Variants in ERMP1 observed in about 807,000 individuals in gnomAD.
ERMP1 encodes the protein endoplasmic reticulum metallopeptidase 1.
ERMP1 carries 86 observed loss-of-function variants against 92.0 expected under a neutral mutation model. The ratio of observed to expected loss-of-function variants is 0.93; its 90% CI spans 0.79 to 1.12. The LOEUF is 1.12. ERMP1 is among the 50% of genes most tolerant of loss of function. ERMP1 has a pLI of 0.00. For synonymous variants in ERMP1, 530 were observed against 412.8 expected (o/e 1.28, Z -3.44); for missense variants, 1,342 against 1,116.3 (o/e 1.20, Z -2.88).
upstream of ERMP1, among the ~76,000 whole-genome samples, chr9:5,834,795 C>G (rs1012866229): frequency 9.2e-5 from 13 of 141,062 alleles, no homozygotes; most frequent in South Asian, 2.3e-4. Context: ...GCCTGGCTGC[C>G]TGGCTGTTGG....
intron 13 of ERMP1, among the ~76,000 whole-genome samples, chr9:5,795,027 G>C (rs1162025911): frequency 1.3e-5 from 2 of 152,120 alleles, no homozygotes; most frequent in East Asian, 3.8e-4. Flanking sequence ...AATCAACGAT[G>C]CATAAAAGGT....
chr9:5,788,579 T>G (rs943493505), intron 13 of ERMP1, among the ~76,000 whole-genome samples: 1 of 151,512 alleles, frequency 6.6e-6, no homozygotes, highest in Non-Finnish European at 1.5e-5. Context: ...TGGACTTTCT[T>G]ACACTGACAG....
rs950817050 is a variant in ERMP1, at chr9:5,787,559, G to A, written c.2421C>T (p.His807=). The change falls in exon 14 of 15, where the codon CAC becomes CAT. Residue 807 remains histidine, a synonymous_variant. Coordinates refer to ENST00000339450, the MANE Select transcript of ERMP1 (RefSeq NM_024896.3). ...PSHMSFYVRA[H]KGSTLSQWSL... is the part of the protein sequence containing the mutation. ...ACCACTGAGAAAGTGTTGACCCTTTGTGGGCTCGAACATAGAAGGACATAT... is the reference window on the plus strand; with the variant it reads ...ACCACTGAGAAAGTGTTGACCCTTTATGGGCTCGAACATAGAAGGACATAT... 3 of 1,613,990 alleles carry A rather than the reference G, an allele frequency of 1.9e-6. No individual in the cohort carries two copies. The highest frequency in any genetic ancestry group is 1.7e-5 in the Admixed American group (1 of 59,982).
intron 11 of ERMP1, among the ~76,000 whole-genome samples, chr9:5,799,563 G>T (rs557002417): frequency 7.2e-5 from 11 of 152,150 alleles, no homozygotes; most frequent in African/African-American, 2.2e-4. Context: ...GCAGGAGCCG[G>T]CAAACTGCAG....
At chr9:5,850,888 G>A (rs2129756424) in intron 6 of ERMP1, among the ~76,000 whole-genome samples, 1 of 152,252 alleles carries the variant, frequency 6.6e-6, no homozygotes. Flanking sequence ...GGTAGGGCAG[G>A]ACTCTGAAGA....
upstream of ERMP1, among the ~76,000 whole-genome samples, chr9:5,837,550 A>G (rs1355704921): frequency 6.6e-6 from 1 of 152,220 alleles, no homozygotes; most frequent in African/African-American, 2.4e-5. Context: ...CTATACATCA[A>G]AAACAGTCAC....
At chr9:5,801,616 G>A (rs1444147787) in intron 10 of ERMP1, among the ~76,000 whole-genome samples, 2 of 152,160 alleles carry the variant, frequency 1.3e-5, no homozygotes, top group African/African-American at 2.4e-5. Flanking sequence ...CAGGACTGTC[G>A]CTGTCCTTAA....
chr9:5,819,963 T>C (rs551326100), intron 4 of ERMP1, among the ~76,000 whole-genome samples: 42 of 152,262 alleles, frequency 2.8e-4, no homozygotes, highest in African/African-American at 9.6e-4. Context: ...AAGAATTATA[T>C]ATCTCAATAA....
In ERMP1 at chr9:5,833,055, C is replaced by A; in HGVS notation, c.-28G>T. 3 of 1,428,928 alleles carry A rather than the reference C, an allele frequency of 2.1e-6. No individual in the cohort carries two copies. Among genetic ancestry groups the A allele is most frequent in the Non-Finnish European group, 2.7e-6 (3 of 1,101,532 alleles). The allele number at this position is 1,428,928 out of a possible 1,614,324, so 88.5% of individuals were successfully genotyped here. ...CCACGAGCCTCAGCTGCCAGCCCAA[C>A]CGCCCCAACCCGCGACAGCCCCGGC... On this transcript the variant is annotated 5_prime_UTR_variant, in exon 1 of 15. Transcript: ENST00000339450.
rs1275228842 is a variant in ERMP1 at position 5,832,885 on chromosome 9, C to G, written c.143G>C (p.Arg48Thr). 6.5e-7 allele frequency: 1 copy of G among 1,536,956 alleles called. No homozygotes were observed. The highest frequency in any genetic ancestry group is 1.2e-5 in the South Asian group (1 of 83,506). Residue 48 changes from arginine (R) to threonine (T), a missense_variant, in exon 1 of 15, where the codon AGG becomes ACG. Physicochemically the swap from Arg to Thr is moderately conservative, Grantham distance 71. Transcript: ENST00000339450. ...ACCCCCGGGGCTCCTCTTCCGCGTC[C>G]TCCCGCCGCCGCTGCACCCATCCAC... ...PLVDGCSGGG[R>T]TRKRSPGGSG... is the part of the protein sequence containing the mutation.
intron 12 of ERMP1, 78 bp downstream of exon 12, chr9:5,798,728 G>T: frequency 1.1e-6 from 1 of 878,060 alleles, no homozygotes; most frequent in Non-Finnish European, 1.8e-6. Context: ...AAGGATGGCA[G>T]TTTAAATGAT....
Position 5,812,234 on chromosome 9 carries a change from G to GAAA in ERMP1, c.1022-20_1022-18dup. On this transcript the variant is annotated splice_polypyrimidine_tract_variant and intron_variant, in intron 5 of 14. Coordinates refer to ENST00000339450, the MANE Select transcript of ERMP1 (RefSeq NM_024896.3). Reference sequence around the variant, plus strand: ...AGTCTATTCCTAAAACATATATATAGAAAAAAAAAAGTCATTTTGCTTTAA... The same window carrying GAAA: ...AGTCTATTCCTAAAACATATATATAGAAAAAAAAAAAAAGTCATTTTGCTTTAA... 1 of 1,327,230 alleles carries GAAA rather than the reference G, an allele frequency of 7.5e-7. No individual in the cohort carries two copies. Among genetic ancestry groups the GAAA allele is most frequent in the South Asian group, 1.4e-5 (1 of 70,482 alleles). The allele number at this position is 1,327,230 out of a possible 1,614,324, so 82.2% of individuals were successfully genotyped here.
intron 6 of ERMP1, among the ~76,000 whole-genome samples, chr9:5,858,730 A>G (rs934302051): frequency 6.6e-6 from 1 of 152,180 alleles, no homozygotes; most frequent in Non-Finnish European, 1.5e-5. Flanking sequence ...CTTTTCCTTC[A>G]TGGTGGTTCT....
intron 7 of ERMP1, 47 bp from the exon 8 acceptor site, chr9:5,810,278 C>G: frequency 7.1e-7 from 1 of 1,411,102 alleles, no homozygotes; most frequent in South Asian, 1.2e-5. Flanking sequence ...TTCATCAAAT[C>G]AGTTATATAA....
intron 13 of ERMP1, among the ~76,000 whole-genome samples, chr9:5,790,972 T>G (rs1163243130): frequency 6.6e-6 from 1 of 152,222 alleles, no homozygotes; most frequent in Non-Finnish European, 1.5e-5. Flanking sequence ...CATTTCATTG[T>G]ATGTAAATTA....
At chr9:5,799,957 C>T (rs2131216733) in intron 11 of ERMP1, among the ~76,000 whole-genome samples, 1 of 152,316 alleles carries the variant, frequency 6.6e-6, no homozygotes, top group Non-Finnish European at 1.5e-5. Context: ...CAGTGTCCTT[C>T]AGGACTATAA....
chr9:5,862,097 A>G (rs1830517156), intron 5 of ERMP1, among the ~76,000 whole-genome samples: 1 of 152,074 alleles, frequency 6.6e-6, no homozygotes, highest in South Asian at 2.1e-4. Flanking sequence ...TGACACAATC[A>G]TGGCTCACTG....
chr9:5,857,665 C>A (rs2129772440), intron 6 of ERMP1, among the ~76,000 whole-genome samples: 1 of 152,232 alleles, frequency 6.6e-6, no homozygotes, highest in East Asian at 1.9e-4. Flanking sequence ...TCCTGAGTAC[C>A]AAACAGGGTA....
chr9:5,811,106 C>T lies in ERMP1; in HGVS notation c.1327+5G>A, dbSNP rs1458574296. Reference sequence around the variant, plus strand: ...GTATTTGTAGTTTTAGAGGAAAATACTTACTCTTATGTTTGGGCTGCAAAA... The same window carrying T: ...GTATTTGTAGTTTTAGAGGAAAATATTTACTCTTATGTTTGGGCTGCAAAA... On this transcript the variant is annotated splice_donor_5th_base_variant and intron_variant, in intron 7 of 14. Coordinates refer to ENST00000339450, the MANE Select transcript of ERMP1 (RefSeq NM_024896.3). The T allele has an allele frequency of 1.6e-5, 25 of 1,596,810 alleles. No homozygotes were observed. Among genetic ancestry groups the T allele is most frequent in the Non-Finnish European group, 1.7e-5 (20 of 1,164,580 alleles).
Sources: gnomAD v4.1 joint callset for allele counts (sites outside exome capture counted in the v4.1 genomes callset) on GRCh38, gnomAD v4.1.1 for gene constraint, MANE v1.5 for transcripts, NCBI Gene and HGNC (gene_info 2026-07-23, HGNC 2026-07-21) for gene names.